AAK1: variants seen among roughly 807,000 people sequenced by gnomAD.
AAK1 encodes the protein AP2-associated protein kinase 1.
A neutral mutation model predicts 116.0 loss-of-function variants in AAK1; 37 were observed. The observed-to-expected ratio is 0.32, with a 90% CI of 0.25 to 0.42. The LOEUF (loss-of-function observed/expected upper bound fraction) is 0.42. Among genes scored for constraint, AAK1 ranks in the 10% least tolerant of loss-of-function variants. The probability of loss-of-function intolerance (pLI) is 1.00; values close to 1 mark genes in which losing one functional copy is unlikely to be tolerated. For synonymous variants in AAK1, 458 were observed against 439.9 expected (o/e 1.04, Z -0.51); for missense variants, 919 against 1,170.6 (o/e 0.79, Z 3.14).
chr2:69,562,098 G>A (rs1404650420), intron 2 of AAK1, among the ~76,000 whole-genome samples: 2 of 152,152 alleles, frequency 1.3e-5, no homozygotes, highest in Admixed American at 6.5e-5. Context: ...CCCAGGAATG[G>A]AATTGTTGGG....
chr2:69,478,737 A>G (rs562996858), intron 20 of AAK1: 7 of 441,110 alleles, frequency 1.6e-5, no homozygotes, highest in African/African-American at 1.4e-4. Context: ...TGCAGGCCTG[A>G]GCTACCACAA....
chr2:69,518,436 T>G (rs1303163447), intron 12 of AAK1, among the ~76,000 whole-genome samples: 1 of 150,968 alleles, frequency 6.6e-6, no homozygotes, highest in African/African-American at 2.4e-5. Context: ...TTTTTTTTTT[T>G]GAGACAGAGT....
chr2:69,631,969 AAAAT>A (rs1443636069), intron 2 of AAK1, among the ~76,000 whole-genome samples: 1 of 152,184 alleles, frequency 6.6e-6, no homozygotes, highest in Non-Finnish European at 1.5e-5. Context: ...CCCTGTCTCA[AAAAT>A]AAATAAAGTA....
At chr2:69,584,114 C>T (rs1195422948) in intron 2 of AAK1, among the ~76,000 whole-genome samples, 3 of 152,174 alleles carry the variant, frequency 2.0e-5, no homozygotes, top group Non-Finnish European at 4.4e-5. Flanking sequence ...TCTCCCTCCC[C>T]GCAAAACCCA....
In AAK1 at chr2:69,544,435, C is replaced by A. The variant is rs1369837439; in HGVS notation, c.391+1G>T. ...CTTAAGGGAATGGTTCATATACATACCTCTACAAAAGTCCATCAGAATGAG... is the reference window on the plus strand; with the variant it reads ...CTTAAGGGAATGGTTCATATACATAACTCTACAAAAGTCCATCAGAATGAG... On this transcript the variant is annotated splice_donor_variant, in intron 4 of 21. Transcript: ENST00000409085. LOFTEE classifies it high-confidence loss of function. 6.2e-7 allele frequency: 1 copy of A among 1,604,188 alleles called. No individual in the cohort carries two copies. The highest frequency in any genetic ancestry group is 8.5e-7 in the Non-Finnish European group (1 of 1,171,178).
rs184567256 is a variant in AAK1, at chr2:69,467,027, G to T, written c.*8842C>A. The T allele has an allele frequency of 1.2e-4, 120 of 985,446 alleles. No individual in the cohort carries two copies. In the East Asian group the frequency reaches 8.6e-3, roughly 71 times the overall value. The allele number at this position is 985,446 out of a possible 1,614,324, so 61.0% of individuals were successfully genotyped here. ...TGCAGAGGGACAAACTCTCTGAAAA[G>T]AAGCAGAATGTGGCTGCTTGATAAA... On this transcript the variant is annotated 3_prime_UTR_variant, in exon 22 of 22. Transcript: ENST00000409085.
chr2:69,632,333 C>A (rs1001102401), intron 2 of AAK1, among the ~76,000 whole-genome samples: 3 of 152,222 alleles, frequency 2.0e-5, no homozygotes, highest in Admixed American at 1.3e-4. Flanking sequence ...AATGTTGAGA[C>A]ATTTTTCATT....
chr2:69,474,612 C>A lies in AAK1; in HGVS notation c.*1257G>T, dbSNP rs1342137110. The A allele has an allele frequency of 3.1e-5, 31 of 985,208 alleles. No homozygotes were observed. The Admixed American group carries it at 1.9e-3, about 61-fold the overall frequency. The allele number at this position is 985,208 out of a possible 1,614,324, so 61.0% of individuals were successfully genotyped here. On this transcript the variant is annotated 3_prime_UTR_variant, in exon 22 of 22. Transcript: ENST00000409085. The stretch of plus-strand genomic sequence containing the variant: ...TGGCTGCAGCCTTCAATTTAAACAT[C>A]AGAAAGAAAGGTAAGCTGGGCACAC...
chr2:69,613,731 A>G (rs2105222365), intron 2 of AAK1, among the ~76,000 whole-genome samples: 1 of 152,362 alleles, frequency 6.6e-6, no homozygotes, highest in East Asian at 1.9e-4. Context: ...TGCAAGCTCC[A>G]TGCCCCTTCC....
chr2:69,554,080 A>G (rs1290480137), intron 3 of AAK1, among the ~76,000 whole-genome samples: 1 of 147,608 alleles, frequency 6.8e-6, no homozygotes, highest in Non-Finnish European at 1.5e-5. Flanking sequence ...CTCAAAAGAG[A>G]AAAAAAAAAA....
intron 19 of AAK1, 37 bp downstream of exon 19, chr2:69,480,823 C>T (rs770000701): frequency 1.1e-5 from 17 of 1,530,652 alleles, no homozygotes; most frequent in Non-Finnish European, 1.3e-5. Context: ...TTCACCACAC[C>T]GACCAGTCCC....
chr2:69,581,776 A>G (rs998997804), intron 2 of AAK1, among the ~76,000 whole-genome samples: 12 of 152,128 alleles, frequency 7.9e-5, no homozygotes, highest in Non-Finnish European at 1.8e-4. Flanking sequence ...CAGGAATTTG[A>G]GACCGGCCTG....
At chr2:69,574,486 C>A (rs554586919) in intron 2 of AAK1, among the ~76,000 whole-genome samples, 3 of 150,536 alleles carry the variant, frequency 2.0e-5, no homozygotes, top group African/African-American at 7.3e-5. Context: ...GCAGGAGGAT[C>A]GCTGGAGCCA....
rs1195142986 is a variant in AAK1 at position 69,460,114 on chromosome 2, C to T, written c.*15755G>A. The T allele has an allele frequency of 6.6e-6, 1 of 152,426 alleles. No individual in the cohort carries two copies. The highest frequency in any genetic ancestry group is 2.4e-5 in the African/African-American group (1 of 41,440). The allele number at this position is 152,426 out of a possible 1,614,324, so 9.4% of individuals were successfully genotyped here. ...TCTCATCAAAATAATTTCAGTCCCA[C>T]ATTTCTCGGATAAAACCACATCTGT... On this transcript the variant is annotated 3_prime_UTR_variant, in exon 22 of 22. Coordinates refer to ENST00000409085, the MANE Select transcript of AAK1 (RefSeq NM_014911.5).
At chr2:69,550,655 G>A (rs529402733) in intron 3 of AAK1, among the ~76,000 whole-genome samples, 4 of 147,972 alleles carry the variant, frequency 2.7e-5, no homozygotes, top group South Asian at 2.2e-4. Context: ...TTGTTCTGTC[G>A]CCCAGTCTGG....
chr2:69,552,888 A>G (rs1671238260), intron 3 of AAK1, among the ~76,000 whole-genome samples: 1 of 152,174 alleles, frequency 6.6e-6, no homozygotes, highest in Admixed American at 6.5e-5. Context: ...TAAAAATAAA[A>G]CAAAAACAAA....
intron 2 of AAK1, among the ~76,000 whole-genome samples, chr2:69,570,395 T>C (rs1048449817): frequency 1.3e-5 from 2 of 151,990 alleles, no homozygotes; most frequent in African/African-American, 4.8e-5. Flanking sequence ...ACCATACATG[T>C]GGCCTGAAGC....
intron 4 of AAK1, 133 bp from the exon 5 acceptor site, chr2:69,542,798 G>A: frequency 2.0e-6 from 2 of 996,948 alleles, no homozygotes; most frequent in Admixed American, 2.5e-5. Flanking sequence ...ACTGAGCCAG[G>A]ATTAAAACCT....
At chr2:69,525,209 A>C in intron 9 of AAK1, 97 bp from the exon 10 acceptor site, 1 of 1,264,058 alleles carries the variant, frequency 7.9e-7, no homozygotes, top group Non-Finnish European at 1.1e-6. Flanking sequence ...AGCTGATGGA[A>C]ACACATTTTG....
Sources: gnomAD v4.1 joint callset for allele counts (sites outside exome capture counted in the v4.1 genomes callset) on GRCh38, gnomAD v4.1.1 for gene constraint, MANE v1.5 for transcripts, NCBI Gene and HGNC (gene_info 2026-07-23, HGNC 2026-07-21) for gene names.